BICDL1: variants seen among roughly 807,000 people sequenced by gnomAD.
BICDL1 encodes the protein BICD family-like cargo adapter 1.
BICDL1 carries 20 observed loss-of-function variants against 76.8 expected under a neutral mutation model. That is an observed-to-expected ratio of 0.26 (90% CI 0.18 to 0.38). BICDL1 has a LOEUF of 0.38. Ranked by LOEUF, BICDL1 falls within the 10% of genes least tolerant of loss-of-function variation. The probability of loss-of-function intolerance (pLI) is 1.00; values close to 1 mark genes in which losing one functional copy is unlikely to be tolerated. For missense variants in BICDL1, 700 were observed against 798.6 expected, an observed-to-expected ratio of 0.88 and a Z score of 1.49; for synonymous variants, 383 against 337.1, an observed-to-expected ratio of 1.14 and a Z score of -1.49.
At chr12:120,031,840 C>T (rs2138764581) in intron 2 of BICDL1, among the ~76,000 whole-genome samples, 1 of 152,254 alleles carries the variant, frequency 6.6e-6, no homozygotes, top group South Asian at 2.1e-4. Context: ...ACCTGTAATC[C>T]CAGCCTTCAG....
intron 3 of BICDL1, among the ~76,000 whole-genome samples, chr12:120,064,331 C>T (rs183567665): frequency 1.1e-4 from 17 of 152,294 alleles, no homozygotes; most frequent in Non-Finnish European, 2.1e-4. Flanking sequence ...TTTTCTTGTG[C>T]TCATGACTTG....
intron 2 of BICDL1, among the ~76,000 whole-genome samples, chr12:120,010,876 T>C (rs1951939696): frequency 6.6e-6 from 1 of 152,200 alleles, no homozygotes; most frequent in African/African-American, 2.4e-5. Flanking sequence ...GTGGGGCTCT[T>C]ACTGGCTTAA....
chr12:120,050,307 C>T (rs182122976), intron 2 of BICDL1, among the ~76,000 whole-genome samples: 84 of 150,732 alleles, frequency 5.6e-4, no homozygotes, highest in Admixed American at 2.5e-3. Context: ...CACTCTGTCG[C>T]CCAGGCTGGA....
In BICDL1 at chr12:119,989,565, G is replaced by A. The variant is rs866502729; in HGVS notation, c.-304G>A. Among the ~76,000 whole-genome samples the A allele has an allele frequency of 3.3e-4, 50 of 150,580 alleles. 1 individual carries two copies. The South Asian group carries it at 0.01, about 31-fold the overall frequency. On this transcript the variant is annotated 5_prime_UTR_variant, in exon 1 of 10. Coordinates refer to ENST00000548673, the MANE Select transcript of BICDL1 (RefSeq NM_001367886.1). ...CCCGCTTCGCCGACCCTCAGTCTCT[G>A]TTCCTGAGTCCTCCCTTCCCCAGCC...
At chr12:120,036,505 C>A (rs1049134492) in intron 2 of BICDL1, among the ~76,000 whole-genome samples, 1 of 152,194 alleles carries the variant, frequency 6.6e-6, no homozygotes, top group Non-Finnish European at 1.5e-5. Context: ...AATTGTATTT[C>A]TTTCATCTGG....
intron 8 of BICDL1, among the ~76,000 whole-genome samples, chr12:120,081,335 C>G (rs1474311423): frequency 6.9e-6 from 1 of 145,526 alleles, no homozygotes; most frequent in African/African-American, 2.5e-5. Context: ...GCACTTGTAT[C>G]TTAAAGAGCT....
chr12:120,021,937 AAATAAAAT>A (rs1566222654), intron 2 of BICDL1, among the ~76,000 whole-genome samples: 1 of 149,326 alleles, frequency 6.7e-6, no homozygotes, highest in African/African-American at 2.4e-5. Flanking sequence ...ATAAATAAAA[AAATAAAAT>A]AATAAAAATA....
chr12:120,040,768 T>G (rs1952625398), intron 2 of BICDL1, among the ~76,000 whole-genome samples: 1 of 149,848 alleles, frequency 6.7e-6, no homozygotes, highest in Admixed American at 6.6e-5. Context: ...TTTTTTTTTG[T>G]AGACAGTCTC....
intron 2 of BICDL1, among the ~76,000 whole-genome samples, chr12:120,022,362 G>A (rs974329556): frequency 1.3e-5 from 2 of 150,152 alleles, no homozygotes; most frequent in Non-Finnish European, 3.0e-5. Flanking sequence ...TCAGGAGTTC[G>A]AGACCACCCT....
intron 2 of BICDL1, among the ~76,000 whole-genome samples, chr12:120,025,540 C>T (rs138763390): frequency 6.6e-6 from 1 of 152,260 alleles, no homozygotes; most frequent in Non-Finnish European, 1.5e-5. Context: ...TCCTGCGTGG[C>T]TTCCACATGA....
Position 120,058,175 on chromosome 12 carries a change from G to A in BICDL1, c.646-3535G>A, listed in dbSNP as rs188222740. ...GCTATTGTAAATTGAGATGAGAAAT[G>A]GAGTTTAAAAGCTTTTGCTGTGCAT... On this transcript the variant is annotated intron_variant, in intron 2 of 9. Transcript: ENST00000548673. 3.8e-3 allele frequency among the ~76,000 whole-genome samples: 585 copies of A among 152,250 alleles called. 5 individuals carry two copies. The highest frequency in any genetic ancestry group is 6.3e-3 in the Non-Finnish European group (429 of 68,024).
At chr12:120,060,078 G>C (rs1421179085) in intron 2 of BICDL1, among the ~76,000 whole-genome samples, 2 of 152,192 alleles carry the variant, frequency 1.3e-5, no homozygotes, top group African/African-American at 2.4e-5. Context: ...TCAGTTTCCT[G>C]AGCCGATTTC....
chr12:120,028,757 C>T (rs1398185857), intron 2 of BICDL1, among the ~76,000 whole-genome samples: 1 of 152,068 alleles, frequency 6.6e-6, no homozygotes, highest in African/African-American at 2.4e-5. Context: ...CTTGTAGTCC[C>T]AGCTACTTGG....
intron 2 of BICDL1, among the ~76,000 whole-genome samples, chr12:120,048,673 G>T (rs1594165413): frequency 6.6e-6 from 1 of 152,146 alleles, no homozygotes; most frequent in South Asian, 2.1e-4. Context: ...TAATGAAGGA[G>T]TTCACTTAAC....
chr12:120,002,679 A>G (rs1951781104), intron 2 of BICDL1, among the ~76,000 whole-genome samples: 1 of 152,194 alleles, frequency 6.6e-6, no homozygotes, highest in South Asian at 2.1e-4. Flanking sequence ...ACATTCAGCA[A>G]ATATTTATTG....
intron 2 of BICDL1, among the ~76,000 whole-genome samples, chr12:120,058,758 T>C (rs1390819621): frequency 1.3e-5 from 2 of 151,912 alleles, no homozygotes; most frequent in African/African-American, 4.8e-5. Context: ...GCCCGCCTTA[T>C]TTTTGTATTT....
rs114390656 is a variant in BICDL1 at position 120,038,241 on chromosome 12, C to T, written c.646-23469C>T. 1.5e-3 allele frequency among the ~76,000 whole-genome samples: 223 copies of T among 152,290 alleles called. 1 individual carries two copies. Among genetic ancestry groups the T allele is most frequent in the African/African-American group, 5.0e-3 (207 of 41,548 alleles). ...AAATGCTTCTGTTACCTTCAGTTTG[C>T]GCAAAGGGCTAGCCGTAACTACACC... On this transcript the variant is annotated intron_variant, in intron 2 of 9. Coordinates refer to ENST00000548673, the MANE Select transcript of BICDL1 (RefSeq NM_001367886.1).
At chr12:119,999,833 A>C (rs1365834494) in intron 2 of BICDL1, 2 of 436,740 alleles carry the variant, frequency 4.6e-6, no homozygotes, top group East Asian at 7.1e-5. Context: ...CCAACTCTTC[A>C]GTTACCGGAG....
intron 2 of BICDL1, among the ~76,000 whole-genome samples, chr12:120,013,786 A>G (rs928013524): frequency 6.6e-6 from 1 of 152,078 alleles, no homozygotes. Context: ...ATCCCCAACA[A>G]CACTTAGTGC....
Sources: gnomAD v4.1 joint callset for allele counts (sites outside exome capture counted in the v4.1 genomes callset) on GRCh38, gnomAD v4.1.1 for gene constraint, MANE v1.5 for transcripts, NCBI Gene and HGNC (gene_info 2026-07-23, HGNC 2026-07-21) for gene names.